TEKT5: variants seen among roughly 807,000 people sequenced by gnomAD.
TEKT5 encodes tektin-5.
A neutral mutation model predicts 48.7 loss-of-function variants in TEKT5; 52 were observed. The ratio of observed to expected loss-of-function variants is 1.07; its 90% CI spans 0.86 to 1.35. TEKT5 has a LOEUF of 1.35. Ranked by LOEUF, TEKT5 falls within the 40% of genes most tolerant of loss-of-function variation. TEKT5 has a pLI of 0.00. For missense variants in TEKT5, 831 were observed against 641.6 expected (o/e 1.30, Z -3.19); for synonymous variants, 318 against 267.6 (o/e 1.19, Z -1.84).
Position 10,691,840 on chromosome 16 carries a change from CG to C in TEKT5, c.565-1816del, listed in dbSNP as rs924011642. On this transcript the variant is annotated intron_variant, in intron 1 of 6. Coordinates refer to ENST00000283025, the MANE Select transcript of TEKT5 (RefSeq NM_144674.2). The stretch of plus-strand genomic sequence containing the variant: ...GCGGGCGCCTGTAGTCCCAGCTACT[CG>C]GGACGCTGAGGCAGGAGAATGGCGT... Among the ~76,000 whole-genome samples the C allele has an allele frequency of 8.5e-4, 127 of 149,982 alleles. No individual in the cohort carries two copies. In the Middle Eastern group the frequency reaches 0.018, roughly 21 times the overall value.
chr16:10,651,936 T>C (rs770243578), intron 5 of TEKT5, among the ~76,000 whole-genome samples: 2 of 152,134 alleles, frequency 1.3e-5, no homozygotes, highest in Non-Finnish European at 2.9e-5. Flanking sequence ...CACTCCAGCC[T>C]GGGCAACAGA....
chr16:10,658,988 G>A (rs140209864), intron 5 of TEKT5, among the ~76,000 whole-genome samples: 1 of 152,194 alleles, frequency 6.6e-6, no homozygotes, highest in Non-Finnish European at 1.5e-5. Context: ...AAAGTGCTAG[G>A]ATTACAGATG....
At chr16:10,636,375 C>CAAAA (rs35709495) in intron 5 of TEKT5, among the ~76,000 whole-genome samples, 70 of 138,236 alleles carry the variant, frequency 5.1e-4, no homozygotes, top group Non-Finnish European at 9.0e-4. Flanking sequence ...GACTTTGTCT[C>CAAAA]AAAAAAAAAA....
chr16:10,675,054 G>A (rs1017293477), intron 5 of TEKT5, among the ~76,000 whole-genome samples: 1 of 151,996 alleles, frequency 6.6e-6, no homozygotes, highest in Non-Finnish European at 1.5e-5. Context: ...TCAAATTCCT[G>A]GCCTCAAATG....
intron 4 of TEKT5, among the ~76,000 whole-genome samples, chr16:10,681,265 C>T (rs1240854500): frequency 6.6e-6 from 1 of 152,280 alleles, no homozygotes; most frequent in Non-Finnish European, 1.5e-5. Context: ...ACTTAATTTT[C>T]TCCCAGTGGT....
intron 5 of TEKT5, among the ~76,000 whole-genome samples, chr16:10,644,451 T>A (rs752866057): frequency 4.6e-5 from 7 of 152,180 alleles, no homozygotes; most frequent in Non-Finnish European, 1.0e-4. Flanking sequence ...CCCTACACAC[T>A]TACTGCATCC....
chr16:10,690,877 T>C (rs933529710), intron 1 of TEKT5: 1 of 768,552 alleles, frequency 1.3e-6, no homozygotes, highest in Middle Eastern at 6.7e-4. Context: ...TGCAAATGTA[T>C]GTGAGAACTC....
chr16:10,678,409 T>A (rs930551012), intron 4 of TEKT5, among the ~76,000 whole-genome samples: 4 of 152,210 alleles, frequency 2.6e-5, no homozygotes, highest in Non-Finnish European at 4.4e-5. Context: ...TTTTCAGACA[T>A]TTTAAAGCAC....
At chr16:10,672,063 G>A (rs1421520414) in intron 5 of TEKT5, among the ~76,000 whole-genome samples, 1 of 152,076 alleles carries the variant, frequency 6.6e-6, no homozygotes, top group African/African-American at 2.4e-5. Context: ...CTGGGAAGAT[G>A]GAAAAGTTCT....
rs549750185 is a variant in TEKT5 at position 10,635,803 on chromosome 16, C to T, written c.1202G>A (p.Arg401His). 1.7e-5 allele frequency: 28 copies of T among 1,614,136 alleles called. No individual in the cohort carries two copies. Among genetic ancestry groups the T allele is most frequent in the African/African-American group, 1.5e-4 (11 of 75,044 alleles). The change falls in exon 6 of 7, where the codon CGC becomes CAC. Residue 401 changes from arginine (R) to histidine (H), a missense_variant. Physicochemically the swap from Arg to His is conservative, Grantham distance 29. Transcript: ENST00000283025. ...GTCCCTGCACAGCTCCATGTTGGGG[C>T]GCCGGGTCCGGCACTCCAGCCTTGT... ...AQTRLECRTRRPNMELCRDIP... is the reference protein window; with the variant it reads ...AQTRLECRTRHPNMELCRDIP...
At chr16:10,676,710 C>T (rs1898653192) in intron 4 of TEKT5, among the ~76,000 whole-genome samples, 1 of 152,192 alleles carries the variant, frequency 6.6e-6, no homozygotes, top group Non-Finnish European at 1.5e-5. Flanking sequence ...ACTTTCACTG[C>T]CATTCATTCA....
intron 5 of TEKT5, among the ~76,000 whole-genome samples, chr16:10,647,957 G>T (rs1276896052): frequency 6.6e-6 from 1 of 152,208 alleles, no homozygotes; most frequent in African/African-American, 2.4e-5. Flanking sequence ...TCTGTTGTTT[G>T]CTTTTTTACA....
At chr16:10,627,835 C>G in intron 6 of TEKT5, 36 bp from the exon 7 acceptor site, 2 of 1,579,658 alleles carry the variant, frequency 1.3e-6, no homozygotes, top group Non-Finnish European at 1.7e-6. Context: ...ACAGGTTATT[C>G]ATTTATTTTT....
intron 5 of TEKT5, among the ~76,000 whole-genome samples, chr16:10,638,462 T>C (rs7203029): frequency 0.12 from 17,548 of 152,198 alleles, 1,178 homozygotes; most frequent in East Asian, 0.2. Context: ...AATGGTGAGG[T>C]TGCATGTGCT....
chr16:10,640,911 T>C (rs900288731), intron 5 of TEKT5, among the ~76,000 whole-genome samples: 1 of 152,256 alleles, frequency 6.6e-6, no homozygotes, highest in African/African-American at 2.4e-5. Context: ...ACTTTGGGGC[T>C]ATTACAAATA....
Position 10,689,250 on chromosome 16 carries a change from T to C in TEKT5, c.719+3A>G, listed in dbSNP as rs766839748. 3.1e-6 allele frequency: 5 copies of C among 1,600,576 alleles called. No individual in the cohort carries two copies. In the South Asian group the frequency reaches 5.7e-5, roughly 18 times the overall value. On this transcript the variant is annotated splice_donor_region_variant and intron_variant, in intron 3 of 6. Coordinates refer to ENST00000283025, the MANE Select transcript of TEKT5 (RefSeq NM_144674.2). ...GGGAATTAAAAAAAAAAAAAGCCCTTACCGCATCTGGATATCAATTCTTTG... is the reference window on the plus strand; with the variant it reads ...GGGAATTAAAAAAAAAAAAAGCCCTCACCGCATCTGGATATCAATTCTTTG...
chr16:10,677,309 G>A (rs1246660692), intron 4 of TEKT5, among the ~76,000 whole-genome samples: 2 of 118,290 alleles, frequency 1.7e-5, no homozygotes, highest in Non-Finnish European at 3.2e-5. Flanking sequence ...GATCGTCTGG[G>A]ATTAGAAAAT....
intron 5 of TEKT5, among the ~76,000 whole-genome samples, chr16:10,663,768 C>T (rs1898413027): frequency 6.6e-6 from 1 of 152,232 alleles, no homozygotes; most frequent in Non-Finnish European, 1.5e-5. Flanking sequence ...TCTCCACCCC[C>T]AGCCATTTCA....
intron 5 of TEKT5, among the ~76,000 whole-genome samples, chr16:10,651,434 G>T (rs181991138): frequency 6.6e-6 from 1 of 152,238 alleles, no homozygotes; most frequent in African/African-American, 2.4e-5. Context: ...CTTTGGGAGG[G>T]GTTTTGGTCT....
Sources: allele counts gnomAD v4.1 joint callset (sites outside exome capture counted in the v4.1 genomes callset), GRCh38; gene constraint gnomAD v4.1.1; transcripts MANE v1.5; gene names NCBI Gene and HGNC (gene_info 2026-07-23, HGNC 2026-07-21).